Variants in TULP4 observed in about 807,000 individuals in gnomAD.
The protein encoded by TULP4 is tubby-related protein 4.
TULP4 carries 16 observed loss-of-function variants against 129.0 expected under a neutral mutation model. The observed-to-expected ratio is 0.12, with a 90% confidence interval of 0.08 to 0.19. The LOEUF (loss-of-function observed/expected upper bound fraction) is 0.19, where lower values mean the gene tolerates loss of function less well. Ranked by LOEUF, TULP4 falls within the 10% of genes least tolerant of loss-of-function variation. The probability of loss-of-function intolerance (pLI) is 1.00; values close to 1 mark genes in which losing one functional copy is unlikely to be tolerated. For synonymous variants in TULP4, 998 were observed against 854.0 expected, an observed-to-expected ratio of 1.17 and a Z score of -2.94; for missense variants, 1,842 against 2,059.1, an observed-to-expected ratio of 0.89 and a Z score of 2.04.
At chr6:158,235,816 A>G (rs1033367730) in intron 1 of TULP4, among the ~76,000 whole-genome samples, 37 of 152,254 alleles carry the variant, frequency 2.4e-4, no homozygotes, top group African/African-American at 7.7e-4. Context: ...GGCAATGATC[A>G]GGAACTCTGA....
chr6:158,358,842 G>T (rs967799095), intron 1 of TULP4, among the ~76,000 whole-genome samples: 1 of 152,210 alleles, frequency 6.6e-6, no homozygotes, highest in African/African-American at 2.4e-5. Context: ...CCTGACTAAA[G>T]AACAGGAGAC....
chr6:158,298,825 G>T (rs1779083947), intron 1 of TULP4, among the ~76,000 whole-genome samples: 1 of 152,194 alleles, frequency 6.6e-6, no homozygotes, highest in Admixed American at 6.5e-5. Flanking sequence ...AATGCCCAAT[G>T]TTCTGCGCCA....
chr6:158,252,645 A>AT (rs1244304465), intron 1 of TULP4, among the ~76,000 whole-genome samples: 1 of 152,198 alleles, frequency 6.6e-6, no homozygotes, highest in African/African-American at 2.4e-5. Flanking sequence ...AAGTGCTGGG[A>AT]TTACAGGTGT....
At chr6:158,343,811 G>C (rs933847241) in intron 1 of TULP4, among the ~76,000 whole-genome samples, 1 of 152,220 alleles carries the variant, frequency 6.6e-6, no homozygotes, top group Non-Finnish European at 1.5e-5. Flanking sequence ...GGGACAAATA[G>C]TTTGTCTTAA....
intron 1 of TULP4, among the ~76,000 whole-genome samples, chr6:158,394,786 C>CAAAAAAAAAAAAAAAAAAAAAA (rs71030166): frequency 4.3e-5 from 2 of 46,016 alleles, no homozygotes; most frequent in African/African-American, 2.1e-4. Context: ...GGCTCTGTCT[C>CAAAAAAAAAAAAAAAAAAAAAA]AAAAAAAAAA....
chr6:158,360,528 A>G (rs1266899015), intron 1 of TULP4, among the ~76,000 whole-genome samples: 2 of 152,206 alleles, frequency 1.3e-5, no homozygotes, highest in African/African-American at 2.4e-5. Context: ...TTGGAAGGCA[A>G]TGGCAGCAAG....
intron 8 of TULP4, among the ~76,000 whole-genome samples, chr6:158,486,955 C>CA (rs1009246442): frequency 2.9e-4 from 44 of 150,638 alleles, no homozygotes; most frequent in Admixed American, 8.6e-4. Flanking sequence ...TACTAAAATA[C>CA]AAAAAAAAAT....
chr6:158,321,109 A>G (rs1044026205), intron 1 of TULP4, among the ~76,000 whole-genome samples: 8 of 152,034 alleles, frequency 5.3e-5, no homozygotes, highest in African/African-American at 1.9e-4. Context: ...TCCTTATTCT[A>G]CTGAAATGAA....
Position 158,493,746 on chromosome 6 carries a change from T to C in TULP4, c.1776+29T>C, listed in dbSNP as rs1178321732. On this transcript the variant is annotated intron_variant, in intron 10 of 13. Coordinates refer to ENST00000367097, the MANE Select transcript of TULP4 (RefSeq NM_020245.5). The surrounding 1 kb of genome is among the most constrained non-coding windows in gnomAD (Gnocchi z 4.4). ...GGAGCCCCCAGTTACCCTGCCTTGC[T>C]CCCCTCCTCCTGGGGGCTATGCCCA... 6.6e-7 allele frequency: 1 copy of C among 1,512,348 alleles called. No homozygotes were observed. Among genetic ancestry groups the C allele is most frequent in the African/African-American group, 1.4e-5 (1 of 70,896 alleles). The allele number at this position is 1,512,348 out of a possible 1,614,324, so 93.7% of individuals were successfully genotyped here. A position where few individuals can be genotyped will look rare whatever the true frequency, so the allele number is the denominator to read the frequency against.
intron 1 of TULP4, among the ~76,000 whole-genome samples, chr6:158,397,194 G>A (rs1777738209): frequency 6.6e-6 from 1 of 152,230 alleles, no homozygotes; most frequent in Admixed American, 6.5e-5. Context: ...GCAAGGGTCA[G>A]TCCTGGCCAG....
At chr6:158,462,230 G>A (rs574803421) in intron 6 of TULP4, among the ~76,000 whole-genome samples, 2 of 151,850 alleles carry the variant, frequency 1.3e-5, no homozygotes, top group African/African-American at 4.8e-5. Context: ...AATGCTTCAC[G>A]GAAACAGAGA....
intron 1 of TULP4, among the ~76,000 whole-genome samples, chr6:158,366,764 C>G (rs1319266258): frequency 6.6e-6 from 1 of 152,224 alleles, no homozygotes; most frequent in East Asian, 1.9e-4. Context: ...GTGAGTGATA[C>G]GTAAAACCTG....
intron 11 of TULP4, among the ~76,000 whole-genome samples, chr6:158,495,755 A>G (rs1780322529): frequency 6.6e-6 from 1 of 151,918 alleles, no homozygotes; most frequent in African/African-American, 2.4e-5. Context: ...CAGGAGAATC[A>G]CTTGAACCCA....
At chr6:158,443,272 G>T (rs767629925) in intron 3 of TULP4, among the ~76,000 whole-genome samples, 8 of 151,834 alleles carry the variant, frequency 5.3e-5, no homozygotes, top group Non-Finnish European at 1.2e-4. Flanking sequence ...GTGAGCCACC[G>T]CACCCAGCCA....
chr6:158,479,653 AG>A (rs1356606310), intron 6 of TULP4, 97 bp from the exon 7 acceptor site: 2 of 1,118,564 alleles, frequency 1.8e-6, no homozygotes, highest in African/African-American at 3.1e-5. Context: ...TTCTCAAAAC[AG>A]CTTATTTTAT....
chr6:158,262,563 G>C (rs1178424336), intron 1 of TULP4, among the ~76,000 whole-genome samples: 2 of 152,186 alleles, frequency 1.3e-5, no homozygotes, highest in Non-Finnish European at 2.9e-5. Context: ...TGCCCATTCA[G>C]GAGCTTAGGT....
intron 1 of TULP4, among the ~76,000 whole-genome samples, chr6:158,391,868 A>G (rs1275380829): frequency 1.3e-5 from 2 of 152,204 alleles, no homozygotes; most frequent in African/African-American, 4.8e-5. Flanking sequence ...CTGAGATGTA[A>G]GGAAGCCACA....
In TULP4 at chr6:158,305,150, A is replaced by G. The variant is rs371724232; in HGVS notation, n.117-6901A>G. Among the ~76,000 whole-genome samples, 23 of 152,170 alleles carry G rather than the reference A, an allele frequency of 1.5e-4. 1 individual carries two copies. Among genetic ancestry groups the G allele is most frequent in the African/African-American group, 5.5e-4 (23 of 41,500 alleles). On this transcript the variant is annotated intron_variant and non_coding_transcript_variant, in intron 1 of 1. Transcript: ENST00000432358. ...ACTCACCCTTCTACTTACTGTTTCT[A>G]TGAATCCTACTGCTATCTACTCTTG... is the stretch of plus-strand genomic sequence containing the variant.
chr6:158,331,770 C>CATATAT (rs1779896815), intron 1 of TULP4, among the ~76,000 whole-genome samples: 1 of 10,966 alleles, frequency 9.1e-5, no homozygotes, highest in African/African-American at 2.2e-4. Context: ...TATATATACA[C>CATATAT]GTATATATAC....
Sources: gnomAD v4.1 joint callset for allele counts (sites outside exome capture counted in the v4.1 genomes callset) on GRCh38, gnomAD v4.1.1 for gene constraint, Gnocchi (gnomAD v3.1) non-coding constraint, MANE v1.5 for transcripts, NCBI Gene and HGNC (gene_info 2026-07-23, HGNC 2026-07-21) for gene names.